Variants in TRIM11 observed in about 807,000 individuals in gnomAD.
The protein encoded by TRIM11 is tripartite motif containing 11.
In TRIM11, 15 loss-of-function variants were observed where a neutral mutation model predicts 33.4. That is an observed-to-expected ratio of 0.45 (90% CI 0.30 to 0.69). The LOEUF is 0.69. Ranked by LOEUF, TRIM11 falls within the 30% of genes least tolerant of loss-of-function variation. The probability of loss-of-function intolerance (pLI) is 0.08; values close to 1 mark genes in which losing one functional copy is unlikely to be tolerated. For synonymous variants in TRIM11, 281 were observed against 302.6 expected (o/e 0.93, Z 0.74); for missense variants, 499 against 667.6 (o/e 0.75, Z 2.78).
At position 228,401,952 on chromosome 1, in the gene TRIM11, G is replaced by T; in HGVS notation, c.504+114C>A. The T allele has an allele frequency of 1.3e-6, 1 of 741,706 alleles. No homozygotes were observed. Among genetic ancestry groups the T allele is most frequent in the Non-Finnish European group, 2.1e-6 (1 of 480,468 alleles). The allele number at this position is 741,706 out of a possible 1,614,324, so 45.9% of individuals were successfully genotyped here. On this transcript the variant is annotated intron_variant, in intron 2 of 5. Transcript: ENST00000284551. The surrounding 1 kb of genome is among the most constrained non-coding windows in gnomAD (Gnocchi z 6.1). ...TGGGGCCAGGCTGAAGCAGTGACTG[G>T]TCCTGGGGCGCCAAGGGCAAGTGTG...
rs766986706 is a variant in TRIM11, at chr1:228,394,797, G to A, written c.1315C>T (p.Arg439Trp). The A allele has an allele frequency of 5.0e-6, 8 of 1,614,102 alleles. No homozygotes were observed. The highest frequency in any genetic ancestry group is 6.8e-6 in the Non-Finnish European group (8 of 1,179,998). ...CTGGACAGGGGTGAGAAGAGGGGCC[G>A]CAGCGTCCCCGAGAAGGGGATCTCG... is the stretch of plus-strand genomic sequence containing the variant. Reference protein sequence around the residue: ...FPEIPFSGTLRPLFSPLSSSP... With the variant: ...FPEIPFSGTLWPLFSPLSSSP... The change falls in exon 6 of 6, where the codon CGG (arginine) becomes TGG (tryptophan). Residue 439 changes from arginine (R) to tryptophan (W), a missense_variant. Transcript: ENST00000284551. The surrounding 1 kb of genome is among the most constrained non-coding windows in gnomAD (Gnocchi z 6.2).
chr1:228,399,900 A>C (rs904289873), intron 3 of TRIM11, among the ~76,000 whole-genome samples: 1 of 151,758 alleles, frequency 6.6e-6, no homozygotes, highest in Non-Finnish European at 1.5e-5. Context: ...ACAAAAAAAA[A>C]AAAACAAAAA....
chr1:228,399,814 T>C (rs1396805783), intron 3 of TRIM11, among the ~76,000 whole-genome samples: 4 of 131,418 alleles, frequency 3.0e-5, no homozygotes, highest in Admixed American at 9.8e-5. Flanking sequence ...AACTACCTAC[T>C]GGGTACAGTG....
rs368240723 is a variant in TRIM11 at position 228,398,488 on chromosome 1, G to A, written c.736-1323C>T. Among the ~76,000 whole-genome samples, 23 of 152,298 alleles carry A rather than the reference G, an allele frequency of 1.5e-4. 1 individual carries two copies. In the South Asian group the frequency reaches 4.6e-3, roughly 30 times the overall value. Reference sequence around the variant, plus strand: ...TTTAAAATTAGCTGAGCTTGGTGGTGTGTGCCTACAGTCCCACCTACTCAG... The same window carrying A: ...TTTAAAATTAGCTGAGCTTGGTGGTATGTGCCTACAGTCCCACCTACTCAG... On this transcript the variant is annotated intron_variant, in intron 3 of 5. Coordinates refer to ENST00000284551, the MANE Select transcript of TRIM11 (RefSeq NM_145214.3).
At position 228,394,831 on chromosome 1, in the gene TRIM11, G is replaced by A; in HGVS notation, c.1281C>T (p.Phe427=). 5 of 1,614,106 alleles carry A rather than the reference G, an allele frequency of 3.1e-6. No individual in the cohort carries two copies. Among genetic ancestry groups the A allele is most frequent in the Non-Finnish European group, 4.2e-6 (5 of 1,180,000 alleles). The change falls in exon 6 of 6, where the codon TTC becomes TTT. Residue 427 remains phenylalanine, a synonymous_variant. Transcript: ENST00000284551. This position sits in a 1 kb window ranked among gnomAD's most constrained non-coding sequence, Gnocchi z 6.2. ...CCGAGAAGGGGATCTCGGGAAAGAT[G>A]AATAGCAGTGACCCATCGGTGGCAC... ...FYSATDGSLL[F]IFPEIPFSGT...
At chr1:228,398,048 G>A (rs534216053) in intron 3 of TRIM11, among the ~76,000 whole-genome samples, 4 of 152,260 alleles carry the variant, frequency 2.6e-5, no homozygotes, top group East Asian at 1.9e-4. Context: ...GTGGCAGCCC[G>A]AGCTGGCGTG....
rs1656175840 is a variant in TRIM11, at chr1:228,400,690, C to T, written c.735+274G>A. On this transcript the variant is annotated intron_variant, in intron 3 of 5. Transcript: ENST00000284551. The surrounding 1 kb of genome is among the most constrained non-coding windows in gnomAD (Gnocchi z 4.5). Reference sequence around the variant, plus strand: ...TGTCAGTCAGGACGAGATGGAGTGACCTTATGTAATCACTTAAGAAACATC... The same window carrying T: ...TGTCAGTCAGGACGAGATGGAGTGATCTTATGTAATCACTTAAGAAACATC... 6.6e-6 allele frequency among the ~76,000 whole-genome samples: 1 copy of T among 152,174 alleles called. No individual in the cohort carries two copies. The highest frequency in any genetic ancestry group is 2.1e-4 in the South Asian group (1 of 4,832).
At position 228,394,697 on chromosome 1, in the gene TRIM11, G is replaced by C; in HGVS notation, c.*8C>G. 1 of 1,586,368 alleles carries C rather than the reference G, an allele frequency of 6.3e-7. No homozygotes were observed. The highest frequency in any genetic ancestry group is 8.6e-7 in the Non-Finnish European group (1 of 1,163,348). On this transcript the variant is annotated 3_prime_UTR_variant, in exon 6 of 6. Transcript: ENST00000284551. The surrounding 1 kb of genome is among the most constrained non-coding windows in gnomAD (Gnocchi z 6.2). Reference sequence around the variant, plus strand: ...AGAGGCAACAGGACTCCTCCAGGAGGGCCCGAGTCACTGGGGAGCCAGGGT... The same window carrying C: ...AGAGGCAACAGGACTCCTCCAGGAGCGCCCGAGTCACTGGGGAGCCAGGGT...
At position 228,397,172 on chromosome 1, in the gene TRIM11, G is replaced by C; in HGVS notation, c.736-7C>G. Reference sequence around the variant, plus strand: ...GCAGGGCGTCCTTGATGTCCTATGTGGGGAGGAGAAACAGCACACTCGGTG... The same window carrying C: ...GCAGGGCGTCCTTGATGTCCTATGTCGGGAGGAGAAACAGCACACTCGGTG... On this transcript the variant is annotated splice_polypyrimidine_tract_variant and splice_region_variant and intron_variant, in intron 3 of 5. Coordinates refer to ENST00000284551, the MANE Select transcript of TRIM11 (RefSeq NM_145214.3). The C allele has an allele frequency of 6.2e-7, 1 of 1,611,918 alleles. No individual in the cohort carries two copies. Among genetic ancestry groups the C allele is most frequent in the Non-Finnish European group, 8.5e-7 (1 of 1,178,648 alleles).
Position 228,406,581 on chromosome 1 carries a change from A to G in TRIM11, c.-20T>C. The G allele has an allele frequency of 6.9e-7, 1 of 1,455,950 alleles. No homozygotes were observed. Among genetic ancestry groups the G allele is most frequent in the African/African-American group, 1.5e-5 (1 of 68,528 alleles). The allele number at this position is 1,455,950 out of a possible 1,614,324, so 90.2% of individuals were successfully genotyped here. On this transcript the variant is annotated 5_prime_UTR_variant, in exon 1 of 6. Coordinates refer to ENST00000284551, the MANE Select transcript of TRIM11 (RefSeq NM_145214.3). The surrounding 1 kb of genome is among the most constrained non-coding windows in gnomAD (Gnocchi z 8.2). ...GGCCATGGCGCGGACAGAGGGGAGG[A>G]AGGCGGTACTGTCCGCGGGGCGGCG... is the stretch of plus-strand genomic sequence containing the variant.
intron 5 of TRIM11, 87 bp downstream of exon 5, chr1:228,396,860 C>T: frequency 8.0e-7 from 1 of 1,251,690 alleles, no homozygotes; most frequent in Non-Finnish European, 1.2e-6. Flanking sequence ...CTGGCAGTGG[C>T]AGGGCACAGA....
intron 5 of TRIM11, chr1:228,396,648 T>C (rs1187336282): frequency 2.8e-6 from 2 of 710,360 alleles, no homozygotes; most frequent in Non-Finnish European, 2.6e-6. Flanking sequence ...GACTGAGCCC[T>C]TAATCTGTGG....
At chr1:228,397,315 C>G in intron 3 of TRIM11, 150 bp from the exon 4 acceptor site, 1 of 834,932 alleles carries the variant, frequency 1.2e-6, no homozygotes, top group South Asian at 1.8e-5. Flanking sequence ...CATAAACCAC[C>G]CGCAGCAAGG....
Position 228,395,509 on chromosome 1 carries a change from C to A in TRIM11, c.860-257G>T. 2 of 354,454 alleles carry A rather than the reference C, an allele frequency of 5.6e-6. No homozygotes were observed. The highest frequency in any genetic ancestry group is 5.0e-6 in the Non-Finnish European group (1 of 199,958). 22.0% of individuals were successfully genotyped at this position (354,454 alleles called of 1,614,324 possible). A position where few individuals can be genotyped will look rare whatever the true frequency, so the allele number is the denominator to read the frequency against. On this transcript the variant is annotated intron_variant, in intron 5 of 5. Transcript: ENST00000284551. The surrounding 1 kb of genome is among the most constrained non-coding windows in gnomAD (Gnocchi z 4.8). Reference sequence around the variant, plus strand: ...TTGCCTTCAGATATCAAGAGGGAATCTTGGTTGCTTTTTTTTTTTTTTTTA... The same window carrying A: ...TTGCCTTCAGATATCAAGAGGGAATATTGGTTGCTTTTTTTTTTTTTTTTA...
rs762683640 is a variant in TRIM11, at chr1:228,395,109, C to T, written c.1003G>A (p.Glu335Lys). ...FDPGPCVLGQ[E>K]RFTSGRHYWE... The stretch of plus-strand genomic sequence containing the variant: ...TAGTGGCGGCCTGAGGTGAAGCGCT[C>T]CTGGCCCAGCACGCAGGGGCCGGGG... Residue 335 changes from glutamate to lysine, a missense_variant, in exon 6 of 6, where the codon GAG (glutamate) becomes AAG (lysine). By Grantham distance (56) the Glu-to-Lys change is moderately conservative (BLOSUM62 1). Transcript: ENST00000284551. This position sits in a 1 kb window ranked among gnomAD's most constrained non-coding sequence, Gnocchi z 4.8. 1 of 1,594,934 alleles carries T rather than the reference C, an allele frequency of 6.3e-7. No homozygotes were observed. Among genetic ancestry groups the T allele is most frequent in the Non-Finnish European group, 8.5e-7 (1 of 1,171,786 alleles).
At chr1:228,399,033 C>T (rs751338503) in intron 3 of TRIM11, among the ~76,000 whole-genome samples, 17 of 152,070 alleles carry the variant, frequency 1.1e-4, no homozygotes, top group Non-Finnish European at 2.2e-4. Context: ...CCCCAGAGTC[C>T]ATAGCAGCCA....
intron 3 of TRIM11, among the ~76,000 whole-genome samples, chr1:228,398,419 A>G (rs961150538): frequency 6.6e-6 from 1 of 152,126 alleles, no homozygotes; most frequent in Non-Finnish European, 1.5e-5. Flanking sequence ...GGAGTTCAAG[A>G]CCAGCCTGGG....
In TRIM11 at chr1:228,395,176, C is replaced by G. The variant is rs1286288000; in HGVS notation, c.936G>C (p.Gly312=). The change falls in exon 6 of 6, where the codon GGG becomes GGC. Residue 312 remains glycine (G), a synonymous_variant. Transcript: ENST00000284551. This position sits in a 1 kb window ranked among gnomAD's most constrained non-coding sequence, Gnocchi z 4.8. ...TGTCCGGCAGGGCCTGCCGTAGGTC[C>G]CCCCGCTGCACGCTCCGCCTGTCTT... ...LSEDRRSVQR[G]DLRQALPDSP... 2.0e-6 allele frequency: 3 copies of G among 1,520,922 alleles called. No individual in the cohort carries two copies. The highest frequency in any genetic ancestry group is 1.4e-5 in the African/African-American group (1 of 72,200). The allele number at this position is 1,520,922 out of a possible 1,614,324, so 94.2% of individuals were successfully genotyped here.
At chr1:228,402,283 A>T (rs555573862) in intron 1 of TRIM11, 122 bp from the exon 2 acceptor site, 1 of 694,034 alleles carries the variant, frequency 1.4e-6, no homozygotes, top group Non-Finnish European at 2.4e-6. Flanking sequence ...CTGCCTGGTG[A>T]ATCAGGGAAC....
Sources: gnomAD v4.1 joint callset for allele counts (sites outside exome capture counted in the v4.1 genomes callset) on GRCh38, gnomAD v4.1.1 for gene constraint, Gnocchi (gnomAD v3.1) non-coding constraint, MANE v1.5 for transcripts, NCBI Gene and HGNC (gene_info 2026-07-23, HGNC 2026-07-21) for gene names.